SYT14: variants seen among roughly 807,000 people sequenced by gnomAD.
The protein encoded by SYT14 is synaptotagmin-14.
A neutral mutation model predicts 74.2 loss-of-function variants in SYT14; 32 were observed. The observed-to-expected ratio is 0.43, with a 90% CI of 0.33 to 0.58. SYT14 has a LOEUF of 0.58. Ranked by LOEUF, SYT14 falls within the 20% of genes least tolerant of loss-of-function variation. SYT14 has a pLI of 0.05. For missense variants in SYT14, 791 were observed against 981.8 expected, an observed-to-expected ratio of 0.81 and a Z score of 2.60; for synonymous variants, 298 against 337.7, an observed-to-expected ratio of 0.88 and a Z score of 1.29.
chr1:210,063,355 T>C (rs1383681371), intron 5 of SYT14, among the ~76,000 whole-genome samples: 1 of 151,864 alleles, frequency 6.6e-6, no homozygotes, highest in Non-Finnish European at 1.5e-5. Flanking sequence ...ATACTGCTTT[T>C]ATCCTATATT....
At chr1:210,008,541 T>G (rs2080030281) in intron 2 of SYT14, among the ~76,000 whole-genome samples, 1 of 151,972 alleles carries the variant, frequency 6.6e-6, no homozygotes, top group Admixed American at 6.6e-5. Context: ...TTTTTGTAAT[T>G]TTAGTAGAAA....
intron 5 of SYT14, among the ~76,000 whole-genome samples, chr1:210,058,055 A>G (rs1407554277): frequency 6.6e-6 from 1 of 152,218 alleles, no homozygotes; most frequent in Non-Finnish European, 1.5e-5. Flanking sequence ...TTGTATCAGG[A>G]TGTTTAATGG....
At chr1:210,028,600 A>G (rs2080463955) in intron 5 of SYT14, among the ~76,000 whole-genome samples, 2 of 152,208 alleles carry the variant, frequency 1.3e-5, no homozygotes, top group South Asian at 4.1e-4. Context: ...ATGTATCAGA[A>G]TATTCTTCCT....
At chr1:210,013,761 G>A in exon 3 of SYT14, 1 of 1,612,926 alleles carries the variant, frequency 6.2e-7, no homozygotes, top group Non-Finnish European at 8.5e-7. Flanking sequence ...TCTTGGTTCA[G>A]AATACAGTAC....
Position 210,130,231 on chromosome 1 carries a change from T to G in SYT14, c.2035-25490T>G, listed in dbSNP as rs73074129. Among the ~76,000 whole-genome samples, 1,222 of 152,328 alleles carry G rather than the reference T, an allele frequency of 8.0e-3. 21 individuals are homozygous for G. The highest frequency in any genetic ancestry group is 0.028 in the African/African-American group (1,167 of 41,572). On this transcript the variant is annotated intron_variant, in intron 7 of 9. Coordinates refer to ENST00000637265, the Ensembl canonical transcript of SYT14. Reference sequence around the variant, plus strand: ...ATTGCCCTTGGCTTCTTTCAAAATTTTACATTTCATATATACTGTAAAATA... The same window carrying G: ...ATTGCCCTTGGCTTCTTTCAAAATTGTACATTTCATATATACTGTAAAATA...
chr1:210,136,930 C>T (rs556977700), intron 7 of SYT14, among the ~76,000 whole-genome samples: 149 of 152,142 alleles, frequency 9.8e-4, no homozygotes, highest in Non-Finnish European at 1.4e-3. Flanking sequence ...ATCTGTGAGC[C>T]AGGTGGAATT....
At chr1:209,940,931 T>G (rs559175948) in intron 1 of SYT14, among the ~76,000 whole-genome samples, 52 of 152,336 alleles carry the variant, frequency 3.4e-4, no homozygotes, top group African/African-American at 1.2e-3. Flanking sequence ...AGCTTAACAT[T>G]AGAATAGGTT....
intron 5 of SYT14, among the ~76,000 whole-genome samples, chr1:210,069,623 A>G (rs1421342785): frequency 6.6e-6 from 1 of 151,434 alleles, no homozygotes; most frequent in Non-Finnish European, 1.5e-5. Context: ...AAAAATTGGT[A>G]TTTGTTAAGT....
intron 5 of SYT14, among the ~76,000 whole-genome samples, chr1:210,036,963 A>G (rs2080678251): frequency 1.3e-5 from 2 of 151,644 alleles, no homozygotes; most frequent in South Asian, 4.2e-4. Context: ...GTTGGGGAGG[A>G]TTCCTTTCTT....
intron 5 of SYT14, among the ~76,000 whole-genome samples, chr1:210,069,455 T>C (rs139587278): frequency 3.0e-4 from 46 of 152,184 alleles, no homozygotes; most frequent in African/African-American, 1.0e-3. Flanking sequence ...TTTAACATTG[T>C]GTTATAAGGG....
At chr1:210,014,374 G>GT (rs1239208147) in intron 3 of SYT14, among the ~76,000 whole-genome samples, 1 of 149,552 alleles carries the variant, frequency 6.7e-6, no homozygotes, top group Non-Finnish European at 1.5e-5. Context: ...GATGAGGGCT[G>GT]TAATACCATT....
intron 7 of SYT14, among the ~76,000 whole-genome samples, chr1:210,139,615 C>A (rs1229067603): frequency 6.6e-6 from 1 of 152,072 alleles, no homozygotes; most frequent in Non-Finnish European, 1.5e-5. Flanking sequence ...TTTTTATTAT[C>A]CCCGCCACGA....
intron 5 of SYT14, among the ~76,000 whole-genome samples, chr1:210,074,565 T>A (rs1427784155): frequency 6.6e-6 from 1 of 152,180 alleles, no homozygotes; most frequent in African/African-American, 2.4e-5. Context: ...TGTAAAAAAA[T>A]TTCTGTTAGG....
chr1:209,943,435 C>G (rs2078768473), intron 1 of SYT14, among the ~76,000 whole-genome samples: 1 of 137,324 alleles, frequency 7.3e-6, no homozygotes, highest in Non-Finnish European at 1.5e-5. Flanking sequence ...AACCCGGGAA[C>G]CCGGGAGACT....
At chr1:210,088,401 C>T (rs4844944) in intron 5 of SYT14, among the ~76,000 whole-genome samples, 7,629 of 152,024 alleles carry the variant, frequency 0.05, 1,072 homozygotes, top group East Asian at 0.42. Flanking sequence ...TCCCTGTGCC[C>T]ATATGTTCTC....
At chr1:209,959,856 A>G (rs1334330223) in intron 2 of SYT14, among the ~76,000 whole-genome samples, 2 of 152,180 alleles carry the variant, frequency 1.3e-5, no homozygotes, top group African/African-American at 2.4e-5. Context: ...GTGGTTGCAC[A>G]ACTCTATGAA....
exon 10 of SYT14, chr1:210,170,153 T>G (rs1248018473): frequency 6.6e-6 from 1 of 152,202 alleles, no homozygotes; most frequent in Non-Finnish European, 1.5e-5. Context: ...TTCCTTGGTC[T>G]TGAATTGTCT....
At chr1:210,152,794 T>C (rs1017986098) in intron 7 of SYT14, among the ~76,000 whole-genome samples, 2 of 152,208 alleles carry the variant, frequency 1.3e-5, no homozygotes, top group Non-Finnish European at 2.9e-5. Context: ...TTCTTTATAA[T>C]GTTACCACCT....
intron 2 of SYT14, among the ~76,000 whole-genome samples, chr1:209,969,529 C>T (rs2079212027): frequency 6.8e-6 from 1 of 147,254 alleles, no homozygotes; most frequent in Non-Finnish European, 1.5e-5. Flanking sequence ...GCTCTGTTGC[C>T]CAGGCTGGAG....
Sources: gnomAD v4.1 joint callset for allele counts (sites outside exome capture counted in the v4.1 genomes callset) on GRCh38, gnomAD v4.1.1 for gene constraint, MANE v1.5 for transcripts, NCBI Gene and HGNC (gene_info 2026-07-23, HGNC 2026-07-21) for gene names.